The following TRAK2 variants were observed in gnomAD, a reference collection of about 807,000 sequenced individuals.
TRAK2 encodes the protein trafficking kinesin-binding protein 2.
Under a neutral mutation model 104.6 loss-of-function variants are expected in TRAK2, and 81 were observed. The ratio of observed to expected loss-of-function variants is 0.77; its 90% CI spans 0.65 to 0.93. TRAK2 has a LOEUF of 0.93. Ranked by LOEUF, TRAK2 falls within the 40% of genes least tolerant of loss-of-function variation. TRAK2 has a pLI of 0.00. For missense variants in TRAK2, 1,002 were observed against 1,089.0 expected, an observed-to-expected ratio of 0.92 and a Z score of 1.12; for synonymous variants, 406 against 394.4, an observed-to-expected ratio of 1.03 and a Z score of -0.35.
At chr2:201,444,295 A>G (rs1036335459) in intron 1 of TRAK2, among the ~76,000 whole-genome samples, 11 of 152,126 alleles carry the variant, frequency 7.2e-5, no homozygotes, top group Non-Finnish European at 1.5e-5. Flanking sequence ...CACACCTCTC[A>G]TCACAGTCTG....
chr2:201,409,140 C>T (rs1292948428), intron 2 of TRAK2, among the ~76,000 whole-genome samples: 1 of 152,166 alleles, frequency 6.6e-6, no homozygotes, highest in Non-Finnish European at 1.5e-5. Context: ...TAAACTCTAA[C>T]CCTCAGTTTC....
At position 201,395,364 on chromosome 2, in the gene TRAK2, G is replaced by C; in HGVS notation, c.850C>G (p.Leu284Val). The C allele has an allele frequency of 1.2e-6, 2 of 1,604,488 alleles. No individual in the cohort carries two copies. The highest frequency in any genetic ancestry group is 1.7e-6 in the Non-Finnish European group (2 of 1,173,060). Residue 284 changes from leucine to valine, a missense_variant, in exon 8 of 16, where the codon CTT (leucine) becomes GTT (valine). Coordinates refer to ENST00000332624, the MANE Select transcript of TRAK2 (RefSeq NM_015049.3). ...ACAATCTGTGACAAAAGAGAGGAAA[G>C]CTCTTCTTGGTATCGAATCAGCTCA... ...SDELIRYQEE[L>V]SSLLSQIVDL...
At chr2:201,382,963 T>C (rs891620359) in intron 15 of TRAK2, among the ~76,000 whole-genome samples, 19 of 152,226 alleles carry the variant, frequency 1.2e-4, no homozygotes, top group Non-Finnish European at 2.4e-4. Context: ...CTACTTCTAG[T>C]TAACATTATT....
chr2:201,412,049 A>G (rs1393934147), intron 2 of TRAK2: 2 of 1,094,144 alleles, frequency 1.8e-6, no homozygotes, highest in Non-Finnish European at 2.8e-6. Flanking sequence ...AATTAACAAA[A>G]TCTGGATTGG....
chr2:201,441,148 A>G (rs1951917268), intron 1 of TRAK2, among the ~76,000 whole-genome samples: 2 of 152,270 alleles, frequency 1.3e-5, no homozygotes, highest in Admixed American at 1.3e-4. Flanking sequence ...CAGTTAAGCT[A>G]AGATTGAATA....
At chr2:201,382,412 C>T (rs1310677643) in intron 15 of TRAK2, among the ~76,000 whole-genome samples, 5 of 152,154 alleles carry the variant, frequency 3.3e-5, no homozygotes, top group African/African-American at 1.2e-4. Flanking sequence ...AAAGCACCAA[C>T]TTGTATAGGA....
chr2:201,401,585 G>A (rs1355924970), intron 3 of TRAK2, among the ~76,000 whole-genome samples: 1 of 152,092 alleles, frequency 6.6e-6, no homozygotes, highest in East Asian at 1.9e-4. Context: ...CAAGGAACAG[G>A]ATTTGAAGGA....
chr2:201,410,928 C>T (rs1450336667), intron 2 of TRAK2: 1 of 1,577,846 alleles, frequency 6.3e-7, no homozygotes, highest in Non-Finnish European at 8.7e-7. Context: ...TTTGGTCACT[C>T]CAACTGTGCT....
rs1464695251 is a variant in TRAK2 at position 201,395,225 on chromosome 2, AT to A, written c.900+88del. 37 of 1,145,822 alleles carry A rather than the reference AT, an allele frequency of 3.2e-5. 1 individual carries two copies. Among genetic ancestry groups the A allele is most frequent in the Non-Finnish European group, 4.1e-5 (33 of 799,162 alleles). The allele number at this position is 1,145,822 out of a possible 1,614,324, so 71.0% of individuals were successfully genotyped here. A position where few individuals can be genotyped will look rare whatever the true frequency, so the allele number is the denominator to read the frequency against. On this transcript the variant is annotated intron_variant, in intron 8 of 15. Coordinates refer to ENST00000332624, the MANE Select transcript of TRAK2 (RefSeq NM_015049.3). Reference sequence around the variant, plus strand: ...TTTTAAAAGGGCAGGGACAATGTTTATTTTGTTTATTGTATCTAGCACTTAG... The same window carrying A: ...TTTTAAAAGGGCAGGGACAATGTTTATTTGTTTATTGTATCTAGCACTTAG...
intron 1 of TRAK2, among the ~76,000 whole-genome samples, chr2:201,433,868 A>G (rs1399442747): frequency 1.3e-5 from 2 of 152,036 alleles, no homozygotes; most frequent in African/African-American, 4.8e-5. Context: ...TGCCAAAACC[A>G]TTTCAGTCAG....
At chr2:201,412,790 CCA>C in intron 2 of TRAK2, 2 of 1,108,498 alleles carry the variant, frequency 1.8e-6, no homozygotes, top group Non-Finnish European at 2.8e-6. Context: ...TTTCCATGTA[CCA>C]TTTTCACACT....
At chr2:201,397,620 G>A in intron 6 of TRAK2, 40 bp from the exon 7 acceptor site, 1 of 1,345,576 alleles carries the variant, frequency 7.4e-7, no homozygotes, top group Non-Finnish European at 1.1e-6. Flanking sequence ...ACCTTCTAGT[G>A]ATTTTATAGA....
chr2:201,393,057 G>T lies in TRAK2; in HGVS notation c.976-11C>A. ...TTGTAACTCGTGCAGCTAAAAGAAA[G>T]GATGGTAGTGTACTTTATTGCCTTC... On this transcript the variant is annotated splice_polypyrimidine_tract_variant and intron_variant, in intron 9 of 15. Coordinates refer to ENST00000332624, the MANE Select transcript of TRAK2 (RefSeq NM_015049.3). 1 of 1,604,718 alleles carries T rather than the reference G, an allele frequency of 6.2e-7. No homozygotes were observed. The highest frequency in any genetic ancestry group is 8.5e-7 in the Non-Finnish European group (1 of 1,175,420).
chr2:201,395,310 C>T lies in TRAK2; in HGVS notation c.900+4G>A, dbSNP rs376975774. On this transcript the variant is annotated splice_donor_region_variant and intron_variant, in intron 8 of 15. Transcript: ENST00000332624. ...ATATCTGTTGAATGAATGAATAAAC[C>T]TACTTCTTTAAGTTTGTGCTGAAGG... 1.9e-6 allele frequency: 3 copies of T among 1,599,258 alleles called. No individual in the cohort carries two copies. The highest frequency in any genetic ancestry group is 1.1e-5 in the South Asian group (1 of 89,412).
chr2:201,388,343 C>T (rs1951411434), intron 12 of TRAK2, among the ~76,000 whole-genome samples: 1 of 151,942 alleles, frequency 6.6e-6, no homozygotes, highest in African/African-American at 2.4e-5. Flanking sequence ...TTTGCTGAAT[C>T]TGTATCATAG....
Position 201,379,112 on chromosome 2 carries a change from T to C in TRAK2, c.*1431A>G, listed in dbSNP as rs1951314488. ...CCTCTCTCATCTTTTCTCTATCATG[T>C]CTTTTGTATAAAGACATTTCTTTCT... On this transcript the variant is annotated 3_prime_UTR_variant, in exon 16 of 16. Transcript: ENST00000332624. The C allele has an allele frequency of 6.6e-6, 1 of 152,218 alleles. No homozygotes were observed. The highest frequency in any genetic ancestry group is 6.5e-5 in the Admixed American group (1 of 15,276). The allele number at this position is 152,218 out of a possible 1,614,324, so 9.4% of individuals were successfully genotyped here.
Position 201,444,376 on chromosome 2 carries a change from T to G in TRAK2, c.-200+6974A>C, listed in dbSNP as rs1951949205. 5.9e-5 allele frequency among the ~76,000 whole-genome samples: 9 copies of G among 151,966 alleles called. 1 individual carries two copies. Among genetic ancestry groups the G allele is most frequent in the Admixed American group, 5.9e-4 (9 of 15,264 alleles). The stretch of plus-strand genomic sequence containing the variant: ...CTTGTACCACTCTCCTCCTTGCTCA[T>G]ACTCAGTCACAGAGACACAGACCTT... On this transcript the variant is annotated intron_variant, in intron 1 of 15. Transcript: ENST00000332624.
At chr2:201,408,852 G>A (rs1423616444) in intron 2 of TRAK2, among the ~76,000 whole-genome samples, 1 of 152,158 alleles carries the variant, frequency 6.6e-6, no homozygotes, top group Non-Finnish European at 1.5e-5. Context: ...TTACATTTTA[G>A]TATATTCTCA....
intron 2 of TRAK2, among the ~76,000 whole-genome samples, chr2:201,420,037 G>A (rs918788443): frequency 2.0e-5 from 3 of 152,206 alleles, no homozygotes; most frequent in Non-Finnish European, 4.4e-5. Flanking sequence ...TTATGGGCCT[G>A]TATGTATGTT....
Sources: gnomAD v4.1 joint callset for allele counts (sites outside exome capture counted in the v4.1 genomes callset) on GRCh38, gnomAD v4.1.1 for gene constraint, MANE v1.5 for transcripts, NCBI Gene and HGNC (gene_info 2026-07-23, HGNC 2026-07-21) for gene names.